SLC17A1: variants seen among roughly 807,000 people sequenced by gnomAD.
SLC17A1 encodes the protein solute carrier family 17 member 1.
In SLC17A1, 51 loss-of-function variants were observed where a neutral mutation model predicts 53.5. The ratio of observed to expected loss-of-function variants is 0.95; its 90% CI spans 0.76 to 1.20. The LOEUF (loss-of-function observed/expected upper bound fraction) is 1.20. Ranked by LOEUF, SLC17A1 falls within the 50% of genes most tolerant of loss-of-function variation. SLC17A1 has a pLI of 0.00. For missense variants in SLC17A1, 538 were observed against 568.2 expected, an observed-to-expected ratio of 0.95 and a Z score of 0.54; for synonymous variants, 179 against 198.8, an observed-to-expected ratio of 0.90 and a Z score of 0.84.
intron 10 of SLC17A1, among the ~76,000 whole-genome samples, chr6:25,810,429 T>A (rs1368711301): frequency 6.6e-6 from 1 of 151,650 alleles, no homozygotes; most frequent in African/African-American, 2.4e-5. Flanking sequence ...AACAACCCAA[T>A]TAAAAAATGG....
chr6:25,813,480 C>T (rs1726229661), intron 6 of SLC17A1, among the ~76,000 whole-genome samples: 1 of 152,216 alleles, frequency 6.6e-6, no homozygotes, highest in Non-Finnish European at 1.5e-5. Context: ...CCCTCAGGCC[C>T]TCATCTTTTC....
chr6:25,727,899 C>T, the SLC17A1 span, among the ~76,000 whole-genome samples: 2 of 151,820 alleles, frequency 1.3e-5, no homozygotes, highest in African/African-American at 4.8e-5. Flanking sequence ...GCACTGTAGT[C>T]CCAGCTAATT....
intron 10 of SLC17A1, among the ~76,000 whole-genome samples, chr6:25,802,970 G>A (rs1298980537): frequency 1.6e-3 from 140 of 85,046 alleles, no homozygotes; most frequent in African/African-American, 7.5e-3. Flanking sequence ...TTTTTGAGAC[G>A]CAGCCTTGCT....
chr6:25,817,096 A>T (rs957162189), intron 6 of SLC17A1, among the ~76,000 whole-genome samples: 2 of 151,002 alleles, frequency 1.3e-5, no homozygotes, highest in African/African-American at 4.9e-5. Context: ...TTATCCACCC[A>T]CCTCAGCAAC....
chr6:25,798,540 T>G, intron 12 of SLC17A1: 1 of 353,014 alleles, frequency 2.8e-6, no homozygotes. Context: ...TGCAAACTTC[T>G]CTTTTTCATC....
chr6:25,778,831 G>C (rs1304692313), downstream of SLC17A1, among the ~76,000 whole-genome samples: 2 of 152,204 alleles, frequency 1.3e-5, no homozygotes, highest in African/African-American at 2.4e-5. Flanking sequence ...GAAGATGTGA[G>C]ACAAATAGGT....
chr6:25,822,235 T>TTTTTCTAAAATTTTTGTTTTGACA (rs1330911782), intron 3 of SLC17A1, among the ~76,000 whole-genome samples: 2 of 152,186 alleles, frequency 1.3e-5, no homozygotes, highest in Non-Finnish European at 1.5e-5. Context: ...ATTTCGTCTT[T>TTTTTCTAAAATTTTTGTTTTGACA]TTTTCTAAAA....
the SLC17A1 span, chr6:25,726,463 G>C: frequency 1.7e-5 from 27 of 1,613,734 alleles, no homozygotes; most frequent in Non-Finnish European, 2.2e-5. Flanking sequence ...CTGCAAACCC[G>C]CTCTAGAAGA....
chr6:25,726,087 T>A, the SLC17A1 span: 1 of 1,478,014 alleles, frequency 6.8e-7, no homozygotes. Context: ...AAGAGCCTTT[T>A]GTTTTTTCTG....
At chr6:25,828,976 T>A (rs1040599673) in intron 2 of SLC17A1, among the ~76,000 whole-genome samples, 1 of 152,216 alleles carries the variant, frequency 6.6e-6, no homozygotes, top group African/African-American at 2.4e-5. Flanking sequence ...TCTGGCCAAC[T>A]GAGCTTCCGT....
chr6:25,770,619 G>A, the SLC17A1 span: 1 of 738,976 alleles, frequency 1.4e-6, no homozygotes, highest in African/African-American at 1.8e-5. Context: ...TTACTTGATT[G>A]TAACTGAATA....
chr6:25,810,481 A>G (rs757072667), intron 10 of SLC17A1, among the ~76,000 whole-genome samples: 1 of 152,134 alleles, frequency 6.6e-6, no homozygotes, highest in Non-Finnish European at 1.5e-5. Context: ...AAGATATACT[A>G]TCAACAGGTA....
intron 3 of SLC17A1, among the ~76,000 whole-genome samples, chr6:25,822,709 G>T (rs1764607152): frequency 6.6e-6 from 1 of 152,022 alleles, no homozygotes; most frequent in African/African-American, 2.4e-5. Flanking sequence ...CATTTCTCTA[G>T]AATATGAGGT....
At chr6:25,784,122 G>A (rs558479394) in intron 12 of SLC17A1, among the ~76,000 whole-genome samples, 20 of 152,104 alleles carry the variant, frequency 1.3e-4, no homozygotes, top group African/African-American at 4.3e-4. Flanking sequence ...AAAACATGGC[G>A]TCCATACAAA....
chr6:25,757,139 T>G, the SLC17A1 span, among the ~76,000 whole-genome samples: 1 of 152,212 alleles, frequency 6.6e-6, no homozygotes, highest in Non-Finnish European at 1.5e-5. Context: ...TGGTCTAACA[T>G]CTGTGGTTTT....
At chr6:25,727,413 T>TTG in the SLC17A1 span, 1 of 867,698 alleles carries the variant, frequency 1.2e-6, no homozygotes, top group Non-Finnish European at 1.7e-6. Context: ...TTTTTTTTTT[T>TTG]GAGGCGGAGT....
intron 3 of SLC17A1, among the ~76,000 whole-genome samples, chr6:25,821,779 C>T (rs1345111293): frequency 2.0e-5 from 3 of 152,166 alleles, no homozygotes; most frequent in African/African-American, 7.2e-5. Flanking sequence ...AGTGCATTAA[C>T]TAGTTGCCAT....
intron 6 of SLC17A1, 129 bp from the exon 7 acceptor site, chr6:25,813,342 A>G: frequency 1.3e-6 from 1 of 744,008 alleles, no homozygotes; most frequent in Non-Finnish European, 2.3e-6. Flanking sequence ...CTTTTCAACA[A>G]GACTTGTGTT....
intron 12 of SLC17A1, among the ~76,000 whole-genome samples, chr6:25,784,788 A>G (rs1763344386): frequency 6.6e-6 from 1 of 152,138 alleles, no homozygotes; most frequent in Admixed American, 6.5e-5. Flanking sequence ...GCCTCAAGAG[A>G]GTGTAGATGA....
Sources: allele counts gnomAD v4.1 joint callset (sites outside exome capture counted in the v4.1 genomes callset), GRCh38; gene constraint gnomAD v4.1.1; transcripts MANE v1.5; gene names NCBI Gene and HGNC (gene_info 2026-07-23, HGNC 2026-07-21).